Variants in ADAMTS17 observed in about 807,000 individuals in gnomAD.
The protein encoded by ADAMTS17 is A disintegrin and metalloproteinase with thrombospondin motifs 17.
Under a neutral mutation model 141.5 loss-of-function variants are expected in ADAMTS17, and 113 were observed. The observed-to-expected ratio is 0.80, with a 90% CI of 0.69 to 0.93. The LOEUF (loss-of-function observed/expected upper bound fraction) is 0.93. Ranked by LOEUF, ADAMTS17 falls within the 40% of genes least tolerant of loss-of-function variation. ADAMTS17 has a pLI of 0.00. For synonymous variants in ADAMTS17, 768 were observed against 630.6 expected, an observed-to-expected ratio of 1.22 and a Z score of -3.27; for missense variants, 1,659 against 1,517.9, an observed-to-expected ratio of 1.09 and a Z score of -1.54.
intron 14 of ADAMTS17, among the ~76,000 whole-genome samples, chr15:100,101,649 T>TGGTGTGGTA: frequency 6.6e-6 from 1 of 152,336 alleles, no homozygotes; most frequent in Non-Finnish European, 1.5e-5. Flanking sequence ...ACACAGTGGC[T>TGGTGTGGTA]GGTGTGGTAT....
intron 7 of ADAMTS17, among the ~76,000 whole-genome samples, chr15:100,209,616 G>C (rs1185967381): frequency 5.6e-5 from 8 of 144,120 alleles, no homozygotes; most frequent in African/African-American, 1.8e-4. Flanking sequence ...AAAAAAAAAA[G>C]CCTCTTAGAA....
At chr15:100,274,030 T>C (rs2043998602) in intron 4 of ADAMTS17, among the ~76,000 whole-genome samples, 1 of 152,228 alleles carries the variant, frequency 6.6e-6, no homozygotes, top group African/African-American at 2.4e-5. Flanking sequence ...CACCCCATTG[T>C]TGTCAGTGAT....
intron 4 of ADAMTS17, among the ~76,000 whole-genome samples, chr15:100,274,122 C>T (rs2044001629): frequency 6.6e-6 from 1 of 152,062 alleles, no homozygotes; most frequent in Non-Finnish European, 1.5e-5. Flanking sequence ...GCAGAATGTC[C>T]CATGTTCCCT....
Position 100,199,440 on chromosome 15 carries a change from A to G in ADAMTS17, c.1076-17T>C. 1 of 1,608,242 alleles carries G rather than the reference A, an allele frequency of 6.2e-7. No individual in the cohort carries two copies. The highest frequency in any genetic ancestry group is 8.5e-7 in the Non-Finnish European group (1 of 1,174,676). ...AAGCAATTCCTGCAGCAGAGACACA[A>G]AACACATCCTCTTCAGAACGTGGGA... On this transcript the variant is annotated splice_polypyrimidine_tract_variant and intron_variant, in intron 7 of 21. Coordinates refer to ENST00000268070, the MANE Select transcript of ADAMTS17 (RefSeq NM_139057.4).
At chr15:100,097,334 C>T (rs1316044486) in intron 14 of ADAMTS17, among the ~76,000 whole-genome samples, 2 of 152,174 alleles carry the variant, frequency 1.3e-5, no homozygotes, top group Non-Finnish European at 2.9e-5. Context: ...TGCCCTGCAC[C>T]CCAGATTACA....
intron 7 of ADAMTS17, among the ~76,000 whole-genome samples, chr15:100,245,625 G>T (rs1297876163): frequency 6.6e-6 from 1 of 152,248 alleles, no homozygotes. Flanking sequence ...AACAAGAAAA[G>T]TTGAACTTGG....
chr15:100,096,800 T>A (rs940778673), intron 14 of ADAMTS17, among the ~76,000 whole-genome samples: 15 of 152,236 alleles, frequency 9.9e-5, no homozygotes, highest in Non-Finnish European at 1.5e-4. Context: ...GCAGAGACCC[T>A]GGGGAGAGAG....
At chr15:100,255,388 A>G (rs1217274147) in intron 6 of ADAMTS17, among the ~76,000 whole-genome samples, 1 of 152,148 alleles carries the variant, frequency 6.6e-6, no homozygotes, top group Non-Finnish European at 1.5e-5. Context: ...TCCAAAACCA[A>G]GGTAACCTTC....
intron 7 of ADAMTS17, among the ~76,000 whole-genome samples, chr15:100,207,193 G>A (rs1249282960): frequency 1.3e-5 from 2 of 152,058 alleles, no homozygotes; most frequent in African/African-American, 2.4e-5. Context: ...GACACTAGAG[G>A]TATTTCTCCC....
At chr15:100,273,620 A>G (rs1055190526) in intron 4 of ADAMTS17, among the ~76,000 whole-genome samples, 1 of 152,104 alleles carries the variant, frequency 6.6e-6, no homozygotes, top group Non-Finnish European at 1.5e-5. Flanking sequence ...CAATTTTCTT[A>G]ATCTTTCCAA....
At chr15:100,149,328 G>A (rs535102282) in intron 10 of ADAMTS17, among the ~76,000 whole-genome samples, 20 of 152,382 alleles carry the variant, frequency 1.3e-4, no homozygotes, top group African/African-American at 4.6e-4. Flanking sequence ...GAGCGTGAGT[G>A]TGTTGGATAG....
At chr15:100,121,689 T>C (rs2037460511) in intron 12 of ADAMTS17, among the ~76,000 whole-genome samples, 2 of 151,948 alleles carry the variant, frequency 1.3e-5, no homozygotes, top group Admixed American at 6.6e-5. Flanking sequence ...TTACAATAAA[T>C]GCTAAAGGGA....
Position 99,974,484 on chromosome 15 carries a change from TCCTGGCAGA to T in ADAMTS17, c.3197_3205del (p.Leu1066_Asp1069delinsHis). 1 of 1,614,216 alleles carries T rather than the reference TCCTGGCAGA, an allele frequency of 6.2e-7. No homozygotes were observed. The highest frequency in any genetic ancestry group is 8.5e-7 in the Non-Finnish European group (1 of 1,180,032). ...GCAGCAGCGCTGGTACCACCGCATG[TCCTGGCAGA>T]GGTTCTTTTCTCGGATGACCCGGCA... On this transcript the variant is annotated inframe_deletion, in exon 22 of 22. Coordinates refer to ENST00000268070, the MANE Select transcript of ADAMTS17 (RefSeq NM_139057.4).
At chr15:100,234,332 G>A (rs895970519) in intron 7 of ADAMTS17, among the ~76,000 whole-genome samples, 6 of 152,140 alleles carry the variant, frequency 3.9e-5, no homozygotes, top group Non-Finnish European at 7.3e-5. Flanking sequence ...CTTTACGTTC[G>A]TTCCACATTT....
chr15:100,103,215 T>C (rs36094016), intron 14 of ADAMTS17, among the ~76,000 whole-genome samples: 69,660 of 151,998 alleles, frequency 0.46, 16,458 homozygotes, highest in Non-Finnish European at 0.51. Flanking sequence ...TTTCAGGCAC[T>C]GCTATCCATA....
chr15:100,194,904 C>T (rs2041053122), intron 8 of ADAMTS17, among the ~76,000 whole-genome samples: 1 of 152,192 alleles, frequency 6.6e-6, no homozygotes, highest in Non-Finnish European at 1.5e-5. Context: ...TGTGCAGGGG[C>T]TGCTGCTTTC....
At position 100,233,202 on chromosome 15, in the gene ADAMTS17, C is replaced by T. The variant is rs145881634; in HGVS notation, c.1075+20934G>A. Among the ~76,000 whole-genome samples, 338 of 152,126 alleles carry T rather than the reference C, an allele frequency of 2.2e-3. 3 individuals carry two copies. The highest frequency in any genetic ancestry group is 5.4e-3 in the African/African-American group (226 of 41,520). On this transcript the variant is annotated intron_variant, in intron 7 of 21. Coordinates refer to ENST00000268070, the MANE Select transcript of ADAMTS17 (RefSeq NM_139057.4). ...AAAATGAGTCGGGCGTGGGGACGGA[C>T]GCCTGTAACCCCAGGTACTCAGGAT...
intron 15 of ADAMTS17, among the ~76,000 whole-genome samples, chr15:100,079,847 C>A (rs534340327): frequency 1.3e-5 from 2 of 152,286 alleles, no homozygotes; most frequent in East Asian, 3.9e-4. Context: ...CACTTTACAG[C>A]TAAAGAGGTG....
chr15:100,325,555 C>T (rs35988102), intron 3 of ADAMTS17, among the ~76,000 whole-genome samples: 37,271 of 151,986 alleles, frequency 0.25, 5,124 homozygotes, highest in South Asian at 0.43. Context: ...TGGGAGGTGG[C>T]GGATCCCTCA....
Sources: allele counts gnomAD v4.1 joint callset (sites outside exome capture counted in the v4.1 genomes callset), GRCh38; gene constraint gnomAD v4.1.1; transcripts MANE v1.5; gene names NCBI Gene and HGNC (gene_info 2026-07-23, HGNC 2026-07-21).